Variants in DESI1 observed in about 807,000 individuals in gnomAD.
The protein encoded by DESI1 is PPPDE peptidase domain containing 2.
Under a neutral mutation model 22.4 loss-of-function variants are expected in DESI1, and 17 were observed. The ratio of observed to expected loss-of-function variants is 0.76; its 90% CI spans 0.52 to 1.14. DESI1 has a LOEUF of 1.14. DESI1 is among the 50% of genes most tolerant of loss of function. The pLI, the probability that DESI1 is intolerant of heterozygous loss-of-function variation, is 0.00. For missense variants in DESI1, 177 were observed against 208.9 expected (o/e 0.85, Z 0.94); for synonymous variants, 92 against 84.2 (o/e 1.09, Z -0.51).
At chr22:41,601,285 C>T (rs1199831909) in intron 5 of DESI1, 95 bp from the exon 6 acceptor site, 22 of 1,190,966 alleles carry the variant, frequency 1.8e-5, no homozygotes, top group African/African-American at 3.1e-5. Flanking sequence ...GAGGAGTGGG[C>T]GCTGGTGGCA....
At chr22:41,601,292 G>T in intron 5 of DESI1, 102 bp from the exon 6 acceptor site, 1 of 1,092,504 alleles carries the variant, frequency 9.2e-7, no homozygotes, top group Non-Finnish European at 1.3e-6. Flanking sequence ...GGGCGCTGGT[G>T]GCAGCAGAAG....
chr22:41,617,961 T>C (rs1286644006), intron 1 of DESI1, among the ~76,000 whole-genome samples: 2 of 152,226 alleles, frequency 1.3e-5, no homozygotes, highest in African/African-American at 4.8e-5. Context: ...CAGGTTGATC[T>C]TTCTCCTACC....
Position 41,607,856 on chromosome 22 carries a change from G to A in DESI1, c.94C>T (p.Gln32Ter). The change falls in exon 2 of 6, where the codon CAA becomes TAA. Residue 32 changes from glutamine to a stop codon, truncating the protein, a stop_gained. Coordinates refer to ENST00000263256, the MANE Select transcript of DESI1 (RefSeq NM_015704.3). LOFTEE classifies it high-confidence loss of function. ...CCAACTTACCAGATGCCTTCCAGTT[G>A]TTTCCCTGTGGAGAGAAGAAGAGAT... ...RRLSPIMLGK[Q>*]LEGIWHTSIV... The A allele has an allele frequency of 6.2e-7, 1 of 1,614,220 alleles. No homozygotes were observed. The highest frequency in any genetic ancestry group is 8.5e-7 in the Non-Finnish European group (1 of 1,180,038).
intron 1 of DESI1, among the ~76,000 whole-genome samples, chr22:41,617,404 A>G (rs2067557166): frequency 6.6e-6 from 1 of 152,232 alleles, no homozygotes; most frequent in African/African-American, 2.4e-5. Flanking sequence ...AGCTCTCAAT[A>G]AATAGTGGCT....
chr22:41,600,127 C>A lies in DESI1; in HGVS notation c.*970G>T, dbSNP rs148894219. ...CCGGGAGGCAGAGGTTTCTGTGAGC[C>A]GAGATCATGCCACTGCACACCAGCC... On this transcript the variant is annotated 3_prime_UTR_variant, in exon 6 of 6. Coordinates refer to ENST00000263256, the MANE Select transcript of DESI1 (RefSeq NM_015704.3). The A allele has an allele frequency of 2.0e-5, 3 of 151,940 alleles. No individual in the cohort carries two copies. The highest frequency in any genetic ancestry group is 6.6e-5 in the Admixed American group (1 of 15,264). 9.4% of individuals were successfully genotyped at this position (151,940 alleles called of 1,614,324 possible).
chr22:41,620,914 G>T lies in DESI1; in HGVS notation c.-75C>A. On this transcript the variant is annotated 5_prime_UTR_variant, in exon 1 of 6. Coordinates refer to ENST00000263256, the MANE Select transcript of DESI1 (RefSeq NM_015704.3). ...GGCTTGGACCTTCCCGTACCCGACG[G>T]GAGTGCGAAGCGGAGGGAGAGGGGG... 2.0e-6 allele frequency: 3 copies of T among 1,533,200 alleles called. No homozygotes were observed. Among genetic ancestry groups the T allele is most frequent in the Non-Finnish European group, 2.7e-6 (3 of 1,130,810 alleles). The allele number at this position is 1,533,200 out of a possible 1,614,324, so 95.0% of individuals were successfully genotyped here. A position where few individuals can be genotyped will look rare whatever the true frequency, so the allele number is the denominator to read the frequency against.
In DESI1 at chr22:41,598,602, AAGCAAACC is replaced by A. The variant is rs1344674057; in HGVS notation, c.*2487_*2494del. On this transcript the variant is annotated 3_prime_UTR_variant, in exon 6 of 6. Coordinates refer to ENST00000263256, the MANE Select transcript of DESI1 (RefSeq NM_015704.3). ...TGGGCCTAAGGGTGCCTGCTGGAAGAAGCAAACCAGCTGAAACTGGATCTGGAAGAGGA... is the reference window on the plus strand; with the variant it reads ...TGGGCCTAAGGGTGCCTGCTGGAAGAAGCTGAAACTGGATCTGGAAGAGGA... 1 of 152,576 alleles carries A rather than the reference AAGCAAACC, an allele frequency of 6.6e-6. No homozygotes were observed. Among genetic ancestry groups the A allele is most frequent in the African/African-American group, 2.4e-5 (1 of 41,468 alleles). 9.5% of individuals were successfully genotyped at this position (152,576 alleles called of 1,614,324 possible).
chr22:41,607,846 C>CGAA lies in DESI1; in HGVS notation c.103_104insTTC (p.Gly35delinsValArg). The CGAA allele has an allele frequency of 1.2e-6, 2 of 1,614,200 alleles. No homozygotes were observed. Among genetic ancestry groups the CGAA allele is most frequent in the Non-Finnish European group, 1.7e-6 (2 of 1,180,032 alleles). ...GGAGACCCACCCAACTTACCAGATG[C>CGAA]CTTCCAGTTGTTTCCCTGTGGAGAG... is the stretch of plus-strand genomic sequence containing the variant. On this transcript the variant is annotated protein_altering_variant, in exon 2 of 6. Transcript: ENST00000263256.
intron 3 of DESI1, among the ~76,000 whole-genome samples, chr22:41,606,140 T>C (rs2067478582): frequency 1.3e-5 from 2 of 151,974 alleles, no homozygotes; most frequent in South Asian, 2.1e-4. Flanking sequence ...ATGCAGTAGA[T>C]TGCTTGAGCC....
chr22:41,604,255 T>A, intron 3 of DESI1, 102 bp from the exon 4 acceptor site: 2 of 786,674 alleles, frequency 2.5e-6, no homozygotes, highest in Non-Finnish European at 1.8e-6. Context: ...TCTGACTTTT[T>A]TTTTTTTTTT....
intron 1 of DESI1, among the ~76,000 whole-genome samples, chr22:41,608,677 A>C (rs1456239144): frequency 6.6e-6 from 1 of 152,182 alleles, no homozygotes; most frequent in Non-Finnish European, 1.5e-5. Context: ...AGAGGCTGTG[A>C]GGCTGGAGAG....
chr22:41,603,060 T>A, intron 5 of DESI1, 199 bp downstream of exon 5: 1 of 805,126 alleles, frequency 1.2e-6, no homozygotes, highest in Non-Finnish European at 1.9e-6. Context: ...AGGGCAGAGC[T>A]GGTCTAGCTC....
intron 1 of DESI1, among the ~76,000 whole-genome samples, chr22:41,608,330 T>C (rs531093538): frequency 6.6e-6 from 1 of 152,246 alleles, no homozygotes; most frequent in South Asian, 2.1e-4. Flanking sequence ...CAATGTTAGG[T>C]GTGGAAATGC....
chr22:41,608,602 G>C (rs2067496186), intron 1 of DESI1, among the ~76,000 whole-genome samples: 1 of 152,222 alleles, frequency 6.6e-6, no homozygotes, highest in South Asian at 2.1e-4. Flanking sequence ...GAAGGGGGCA[G>C]TGATGGTGCC....
intron 3 of DESI1, 149 bp from the exon 4 acceptor site, chr22:41,604,302 G>T: frequency 1.6e-6 from 1 of 638,438 alleles, no homozygotes; most frequent in Non-Finnish European, 2.5e-6. Flanking sequence ...CACCCAGGCT[G>T]GAGTATAATC....
At chr22:41,606,705 C>T (rs1367033959) in intron 3 of DESI1, among the ~76,000 whole-genome samples, 7 of 122,026 alleles carry the variant, frequency 5.7e-5, no homozygotes, top group African/African-American at 2.2e-4. Flanking sequence ...ACCCGGGAGG[C>T]GGAGCTTGCA....
chr22:41,604,194 T>G (rs1179132358), intron 3 of DESI1, 41 bp from the exon 4 acceptor site: 2 of 1,564,376 alleles, frequency 1.3e-6, no homozygotes, highest in South Asian at 2.2e-5. Context: ...AGTTACCATC[T>G]CCACTGAATG....
chr22:41,607,763 AC>A, intron 2 of DESI1, 76 bp downstream of exon 2: 1 of 1,550,226 alleles, frequency 6.5e-7, no homozygotes, highest in East Asian at 2.2e-5. Context: ...GCTGGAAGCC[AC>A]AGACTAGAAC....
intron 2 of DESI1, 136 bp downstream of exon 2, chr22:41,607,704 G>A: frequency 9.8e-7 from 1 of 1,020,748 alleles, no homozygotes; most frequent in Non-Finnish European, 1.5e-6. Context: ...CTGATGAGAA[G>A]CACTGCTTTA....
Sources: allele counts gnomAD v4.1 joint callset (sites outside exome capture counted in the v4.1 genomes callset), GRCh38; gene constraint gnomAD v4.1.1; transcripts MANE v1.5; gene names NCBI Gene and HGNC (gene_info 2026-07-23, HGNC 2026-07-21).